EBF1: variants seen among roughly 807,000 people sequenced by gnomAD.
EBF1 encodes the protein EBF transcription factor 1.
In EBF1, 10 loss-of-function variants were observed where a neutral mutation model predicts 68.4. The ratio of observed to expected loss-of-function variants is 0.15; its 90% CI spans 0.09 to 0.25. EBF1 has a LOEUF of 0.25. Ranked by LOEUF, EBF1 falls within the 10% of genes least tolerant of loss-of-function variation. The probability of loss-of-function intolerance (pLI) is 1.00; values close to 1 mark genes in which losing one functional copy is unlikely to be tolerated. For missense variants in EBF1, 509 were observed against 794.4 expected, an observed-to-expected ratio of 0.64 and a Z score of 4.32; for synonymous variants, 298 against 299.8, an observed-to-expected ratio of 0.99 and a Z score of 0.06.
Position 158,708,161 on chromosome 5 carries a change from C to T in EBF1, c.1562G>A (p.Ser521Asn). The part of the protein sequence containing the change: ...ANSPYAIVPS[S>N]PTMASSTSLP... ...GCTTGTGGAGGAGGCCATGGTGGGG[C>T]TGGATGGCACTACTGAGAGGGGCAA... Residue 521 changes from serine to asparagine, a missense_variant, in exon 15 of 16, where the codon AGC becomes AAC. Ser to Asn is a conservative substitution (Grantham distance 46, BLOSUM62 1). Around this residue, in one of 3 missense-constraint regions of EBF1, gnomAD observed 205 missense variants for 247.4 expected, o/e 0.83. Coordinates refer to ENST00000313708, the MANE Select transcript of EBF1 (RefSeq NM_024007.5). 11 of 1,579,928 alleles carry T rather than the reference C, an allele frequency of 7.0e-6. No homozygotes were observed. Among genetic ancestry groups the T allele is most frequent in the Non-Finnish European group, 8.6e-6 (10 of 1,162,282 alleles).
At chr5:158,949,248 C>A (rs1477506247) in intron 6 of EBF1, among the ~76,000 whole-genome samples, 1 of 152,196 alleles carries the variant, frequency 6.6e-6, no homozygotes, top group South Asian at 2.1e-4. Flanking sequence ...TCCACAAAAG[C>A]ATTTGAGCAG....
Position 158,903,689 on chromosome 5 carries a change from T to C in EBF1, c.555-63579A>G, listed in dbSNP as rs571957711. Among the ~76,000 whole-genome samples the C allele has an allele frequency of 9.2e-5, 14 of 152,306 alleles. No individual in the cohort carries two copies. In the East Asian group the frequency reaches 2.7e-3, roughly 29 times the overall value. On this transcript the variant is annotated intron_variant, in intron 6 of 15. Coordinates refer to ENST00000313708, the MANE Select transcript of EBF1 (RefSeq NM_024007.5). ...ATTCAGTTTTAGCCACTTCTACAAA[T>C]AGACACTTTATTGAGTTGAAGAGTC...
Position 158,840,122 on chromosome 5 carries a change from C to G in EBF1, c.555-12G>C, listed in dbSNP as rs747988096. The stretch of plus-strand genomic sequence containing the variant: ...ATTTCAAGAAGAACCTGTGAAGAAA[C>G]AAATCATCATGGTTAGCATTTCGGT... On this transcript the variant is annotated splice_polypyrimidine_tract_variant and intron_variant, in intron 6 of 15. Coordinates refer to ENST00000313708, the MANE Select transcript of EBF1 (RefSeq NM_024007.5). 7 of 1,607,846 alleles carry G rather than the reference C, an allele frequency of 4.4e-6. No individual in the cohort carries two copies. The highest frequency in any genetic ancestry group is 5.1e-6 in the Non-Finnish European group (6 of 1,174,572).
chr5:159,067,920 G>A (rs567836201), intron 6 of EBF1, among the ~76,000 whole-genome samples: 4 of 152,134 alleles, frequency 2.6e-5, no homozygotes, highest in Non-Finnish European at 5.9e-5. Context: ...TTTAGAGAGT[G>A]AATTCCTCCT....
chr5:158,919,561 A>G lies in EBF1; in HGVS notation c.555-79451T>C, dbSNP rs141016068. On this transcript the variant is annotated intron_variant, in intron 6 of 15. Transcript: ENST00000313708. Reference sequence around the variant, plus strand: ...CAAATCATCAATGTCTAGCAAAGACATATTCCAACAACGGTGCTCATTTTT... The same window carrying G: ...CAAATCATCAATGTCTAGCAAAGACGTATTCCAACAACGGTGCTCATTTTT... Among the ~76,000 whole-genome samples the G allele has an allele frequency of 1.8e-3, 280 of 152,366 alleles. 1 individual carries two copies. Among genetic ancestry groups the G allele is most frequent in the African/African-American group, 6.6e-3 (274 of 41,594 alleles).
At chr5:158,739,528 G>A (rs1157667364) in intron 10 of EBF1, among the ~76,000 whole-genome samples, 2 of 151,938 alleles carry the variant, frequency 1.3e-5, no homozygotes, top group African/African-American at 2.4e-5. Context: ...TTTTTCATTT[G>A]GGTGTTTTTT....
rs147050285 is a variant in EBF1 at position 158,892,891 on chromosome 5, C to A, written c.555-52781G>T. Among the ~76,000 whole-genome samples, 329 of 142,016 alleles carry A rather than the reference C, an allele frequency of 2.3e-3. 1 individual carries two copies. The highest frequency in any genetic ancestry group is 7.8e-3 in the African/African-American group (314 of 40,516). 93.2% of individuals were successfully genotyped at this position (142,016 alleles called of 152,430 possible). ...TTGCTCACTCAGCACCTACTCGAAG[C>A]GCCCCTTTTACTTTGATTTTTTTTC... is the stretch of plus-strand genomic sequence containing the variant. On this transcript the variant is annotated intron_variant, in intron 6 of 15. Transcript: ENST00000313708.
intron 6 of EBF1, among the ~76,000 whole-genome samples, chr5:158,885,020 A>G (rs1389677292): frequency 6.6e-6 from 1 of 152,236 alleles, no homozygotes; most frequent in Non-Finnish European, 1.5e-5. Context: ...CAGGCAGCAG[A>G]TGCAGCATGT....
intron 8 of EBF1, among the ~76,000 whole-genome samples, chr5:158,820,056 T>C (rs748544019): frequency 2.0e-5 from 3 of 152,118 alleles, no homozygotes; most frequent in Non-Finnish European, 4.4e-5. Flanking sequence ...TCTCTACTTA[T>C]ACACAGAAAG....
chr5:158,909,956 TAAAAAAAAAAAAAA>T lies in EBF1; in HGVS notation c.555-69860_555-69847del, dbSNP rs59274919. On this transcript the variant is annotated intron_variant, in intron 6 of 15. Coordinates refer to ENST00000313708, the MANE Select transcript of EBF1 (RefSeq NM_024007.5). The stretch of plus-strand genomic sequence containing the variant: ...TGGTGACAGAACGAGACTCTGTCTA[TAAAAAAAAAAAAAA>T]AAAAAAAAAAAAAAAATGCAGGGGA... Among the ~76,000 whole-genome samples, 320 of 46,738 alleles carry T rather than the reference TAAAAAAAAAAAAAA, an allele frequency of 6.8e-3. 3 individuals carry two copies. Among genetic ancestry groups the T allele is most frequent in the Middle Eastern group, 0.04 (2 of 50 alleles). The allele number at this position is 46,738 out of a possible 152,430, so 30.7% of individuals were successfully genotyped here. A position where few individuals can be genotyped will look rare whatever the true frequency, so the allele number is the denominator to read the frequency against.
At chr5:158,976,322 T>C (rs537709853) in intron 6 of EBF1, among the ~76,000 whole-genome samples, 1 of 152,170 alleles carries the variant, frequency 6.6e-6, no homozygotes, top group African/African-American at 2.4e-5. Context: ...TGGATTTCTT[T>C]GTTGGGTACT....
At chr5:158,947,188 G>T (rs1814940886) in intron 6 of EBF1, among the ~76,000 whole-genome samples, 3 of 152,088 alleles carry the variant, frequency 2.0e-5, no homozygotes, top group Admixed American at 6.6e-5. Flanking sequence ...CTTTCCAGGG[G>T]AGTGAGCGGT....
intron 10 of EBF1, among the ~76,000 whole-genome samples, chr5:158,735,036 T>C (rs1764884431): frequency 6.6e-6 from 1 of 152,218 alleles, no homozygotes; most frequent in African/African-American, 2.4e-5. Flanking sequence ...CATTAAATTA[T>C]CCATTTATTC....
At chr5:159,074,148 T>C (rs1014346321) in intron 5 of EBF1, among the ~76,000 whole-genome samples, 3 of 152,124 alleles carry the variant, frequency 2.0e-5, no homozygotes, top group African/African-American at 7.2e-5. Flanking sequence ...ATTATGGACA[T>C]TGGAAGTAAA....
chr5:159,087,285 T>G (rs1374140673), intron 4 of EBF1, among the ~76,000 whole-genome samples: 1 of 144,890 alleles, frequency 6.9e-6, no homozygotes, highest in Non-Finnish European at 1.5e-5. Context: ...CACATATATA[T>G]ATATACACAT....
At chr5:158,869,409 T>G (rs564700903) in intron 6 of EBF1, among the ~76,000 whole-genome samples, 2 of 152,294 alleles carry the variant, frequency 1.3e-5, no homozygotes, top group Admixed American at 1.3e-4. Flanking sequence ...AGAAAGGCAT[T>G]GCCATTCAGT....
intron 6 of EBF1, among the ~76,000 whole-genome samples, chr5:158,940,629 TG>T (rs1813031896): frequency 6.6e-6 from 1 of 152,128 alleles, no homozygotes; most frequent in Admixed American, 6.5e-5. Context: ...GGAACGTTCT[TG>T]GAACATTCTC....
chr5:158,742,237 C>A (rs979624439), intron 10 of EBF1, among the ~76,000 whole-genome samples: 3 of 152,154 alleles, frequency 2.0e-5, no homozygotes, highest in African/African-American at 7.2e-5. Flanking sequence ...ATTTATATTC[C>A]ATGAAAACAC....
At chr5:158,922,980 A>C (rs576460188) in intron 6 of EBF1, among the ~76,000 whole-genome samples, 70 of 152,356 alleles carry the variant, frequency 4.6e-4, no homozygotes, top group Non-Finnish European at 8.1e-4. Flanking sequence ...GGCTAATTGC[A>C]GCCGAAATGA....
Sources: allele counts gnomAD v4.1 joint callset (sites outside exome capture counted in the v4.1 genomes callset), GRCh38; gene constraint gnomAD v4.1.1; regional missense constraint gnomAD v4.1.1; transcripts MANE v1.5; gene names NCBI Gene and HGNC (gene_info 2026-07-23, HGNC 2026-07-21).